Variants in CPNE5 observed in about 807,000 individuals in gnomAD.
The protein encoded by CPNE5 is copine 5.
Under a neutral mutation model 81.1 loss-of-function variants are expected in CPNE5, and 42 were observed. The observed-to-expected ratio is 0.52, with a 90% CI of 0.40 to 0.67. The LOEUF (loss-of-function observed/expected upper bound fraction) is 0.67, where lower values mean the gene tolerates loss of function less well. Ranked by LOEUF, CPNE5 falls within the 30% of genes least tolerant of loss-of-function variation. The pLI is 0.00. For synonymous variants in CPNE5, 313 were observed against 321.5 expected (o/e 0.97, Z 0.28); for missense variants, 612 against 815.5 (o/e 0.75, Z 3.04).
At chr6:36,827,631 G>A (rs1012721208) in intron 1 of CPNE5, 15 of 985,210 alleles carry the variant, frequency 1.5e-5, no homozygotes, top group Non-Finnish European at 1.8e-5. Flanking sequence ...AAGTTTCTTC[G>A]AGGTAAAGCG....
At chr6:36,755,930 G>A (rs891306880) in intron 13 of CPNE5, 5 of 415,148 alleles carry the variant, frequency 1.2e-5, no homozygotes, top group African/African-American at 2.1e-5. Context: ...AAGCACCAAC[G>A]TGGGGAATTT....
At chr6:36,817,888 G>A (rs1258487256) in intron 3 of CPNE5, among the ~76,000 whole-genome samples, 1 of 152,144 alleles carries the variant, frequency 6.6e-6, no homozygotes, top group African/African-American at 2.4e-5. Context: ...CCCAAGGCCT[G>A]GAGTAGTAAT....
chr6:36,755,425 A>G (rs1187811147), intron 13 of CPNE5: 4 of 152,192 alleles, frequency 2.6e-5, no homozygotes, highest in Non-Finnish European at 5.9e-5. Context: ...CCCTTTCCCC[A>G]GTATCCTCAA....
At chr6:36,744,996 G>C (rs1763973423) in intron 18 of CPNE5, 52 bp downstream of exon 18, 2 of 1,291,710 alleles carry the variant, frequency 1.5e-6, no homozygotes, top group Non-Finnish European at 2.3e-6. Context: ...TCCCCTAACG[G>C]GGAGGAAGAC....
In CPNE5 at chr6:36,774,014, T is replaced by C. The variant is rs148790701; in HGVS notation, c.737+947A>G. On this transcript the variant is annotated intron_variant, in intron 10 of 20. Transcript: ENST00000244751. ...CCAGGAGGTGGAAGCTGCAGTAAGC[T>C]GAAATCGGTGAGATGAGAAAATGTC... Among the ~76,000 whole-genome samples, 1,317 of 149,760 alleles carry C rather than the reference T, an allele frequency of 8.8e-3. 17 individuals are homozygous for C. The highest frequency in any genetic ancestry group is 0.03 in the African/African-American group (1,235 of 40,504).
chr6:36,788,337 A>G (rs927471746), intron 8 of CPNE5, among the ~76,000 whole-genome samples: 5 of 151,940 alleles, frequency 3.3e-5, no homozygotes, highest in South Asian at 2.1e-4. Context: ...GTGAACCCCA[A>G]CCTCCACTGC....
At chr6:36,792,352 G>A (rs1400879220) in intron 7 of CPNE5, 2 of 1,513,464 alleles carry the variant, frequency 1.3e-6, no homozygotes, top group Admixed American at 2.0e-5. Flanking sequence ...GAAGGGTAGT[G>A]CCTGCAGTGA....
chr6:36,759,320 G>T (rs1017584283), intron 12 of CPNE5, among the ~76,000 whole-genome samples: 2 of 151,904 alleles, frequency 1.3e-5, no homozygotes, highest in Non-Finnish European at 2.9e-5. Flanking sequence ...CCCCGCCACG[G>T]TGAATCCCAT....
At chr6:36,752,924 T>C in intron 14 of CPNE5, 110 bp downstream of exon 14, 3 of 863,324 alleles carry the variant, frequency 3.5e-6, no homozygotes. Context: ...CACCACAGCC[T>C]TCAACCAGGG....
At chr6:36,821,499 G>A (rs1371684261) in intron 3 of CPNE5, among the ~76,000 whole-genome samples, 2 of 151,914 alleles carry the variant, frequency 1.3e-5, no homozygotes, top group African/African-American at 2.4e-5. Context: ...CATTCTTGGA[G>A]TGGGCCCATC....
chr6:36,771,328 G>A (rs988285301), intron 10 of CPNE5, among the ~76,000 whole-genome samples: 3 of 152,122 alleles, frequency 2.0e-5, no homozygotes, highest in African/African-American at 7.2e-5. Context: ...AGGCTGCCGG[G>A]GTCCACATCC....
At chr6:36,810,223 G>A (rs1770977187) in intron 3 of CPNE5, among the ~76,000 whole-genome samples, 1 of 152,090 alleles carries the variant, frequency 6.6e-6, no homozygotes. Context: ...CAGCTGGATT[G>A]AGCTTCGGAG....
intron 3 of CPNE5, among the ~76,000 whole-genome samples, chr6:36,820,504 G>A (rs1771954653): frequency 6.6e-6 from 1 of 151,906 alleles, no homozygotes; most frequent in Admixed American, 6.6e-5. Context: ...ACCACGCCTG[G>A]CTAATTCCTA....
In CPNE5 at chr6:36,839,295, G is replaced by A; in HGVS notation, c.83C>T (p.Thr28Ile). ...GCGGGAGGCTCACCTGCAGGACACGGTGATCTCCACCTTGGTGGCCGGGAT... is the reference window on the plus strand; with the variant it reads ...GCGGGAGGCTCACCTGCAGGACACGATGATCTCCACCTTGGTGGCCGGGAT... Reference protein sequence around the residue: ...GSIPATKVEITVSCRNLLDKD... With the variant: ...GSIPATKVEIIVSCRNLLDKD... The change falls in exon 1 of 21, where the codon ACC becomes ATC. Residue 28 changes from threonine (T) to isoleucine (I), a missense_variant. Coordinates refer to ENST00000244751, the MANE Select transcript of CPNE5 (RefSeq NM_020939.2). The surrounding 1 kb of genome is among the most constrained non-coding windows in gnomAD (Gnocchi z 7.3). The A allele has an allele frequency of 6.5e-7, 1 of 1,546,394 alleles. No homozygotes were observed. The highest frequency in any genetic ancestry group is 8.7e-7 in the Non-Finnish European group (1 of 1,144,378).
At position 36,822,167 on chromosome 6, in the gene CPNE5, G is replaced by A. The variant is rs1012137021; in HGVS notation, c.137-7C>T. On this transcript the variant is annotated splice_region_variant and splice_polypyrimidine_tract_variant and intron_variant, in intron 2 of 20. Coordinates refer to ENST00000244751, the MANE Select transcript of CPNE5 (RefSeq NM_020939.2). ...TGGGTATACATGACGCACACTGCGG[G>A]GGGAGGAGAAACAGTGGATTAATAC... is the stretch of plus-strand genomic sequence containing the variant. 2 of 1,508,838 alleles carry A rather than the reference G, an allele frequency of 1.3e-6. No homozygotes were observed. The highest frequency in any genetic ancestry group is 1.8e-6 in the Non-Finnish European group (2 of 1,118,178). 93.5% of individuals were successfully genotyped at this position (1,508,838 alleles called of 1,614,324 possible). A position where few individuals can be genotyped will look rare whatever the true frequency, so the allele number is the denominator to read the frequency against.
chr6:36,775,402 C>T (rs236422), intron 9 of CPNE5, among the ~76,000 whole-genome samples: 126,952 of 152,178 alleles, frequency 0.83, 53,034 homozygotes, highest in Middle Eastern at 0.88. Flanking sequence ...CTCCAGCTCC[C>T]CACCTGTAAA....
intron 1 of CPNE5, among the ~76,000 whole-genome samples, chr6:36,826,995 C>T (rs916805109): frequency 6.6e-6 from 1 of 152,102 alleles, no homozygotes; most frequent in Non-Finnish European, 1.5e-5. Flanking sequence ...CTGTCGTTGG[C>T]CCGGTGCTGA....
At chr6:36,810,146 G>A (rs565302306) in intron 3 of CPNE5, among the ~76,000 whole-genome samples, 4 of 152,100 alleles carry the variant, frequency 2.6e-5, no homozygotes, top group African/African-American at 9.6e-5. Flanking sequence ...TGCGTGGGTG[G>A]CTCTCTGCAA....
intron 3 of CPNE5, among the ~76,000 whole-genome samples, chr6:36,820,297 G>T (rs111879837): frequency 0.22 from 32,868 of 150,222 alleles, 4,064 homozygotes; most frequent in African/African-American, 0.3. Flanking sequence ...CATGGCCTTG[G>T]CAGCCTCTGT....
Sources: allele counts gnomAD v4.1 joint callset (sites outside exome capture counted in the v4.1 genomes callset), GRCh38; gene constraint gnomAD v4.1.1; non-coding constraint Gnocchi (gnomAD v3.1); transcripts MANE v1.5; gene names NCBI Gene and HGNC (gene_info 2026-07-23, HGNC 2026-07-21).